Variants in MYO18B observed in about 807,000 individuals in gnomAD.
The protein encoded by MYO18B is unconventional myosin-XVIIIb.
MYO18B carries 204 observed loss-of-function variants against 273.0 expected under a neutral mutation model. The observed-to-expected ratio is 0.75, with a 90% CI of 0.67 to 0.84. The LOEUF is 0.84. Among genes scored for constraint, MYO18B ranks in the 40% least tolerant of loss-of-function variants. The pLI is 0.00. For missense variants in MYO18B, 3,212 were observed against 3,287.6 expected, an observed-to-expected ratio of 0.98 and a Z score of 0.56; for synonymous variants, 1,330 against 1,305.7, an observed-to-expected ratio of 1.02 and a Z score of -0.40.
chr22:25,973,033 G>A (rs1240106218), intron 39 of MYO18B, among the ~76,000 whole-genome samples: 2 of 151,066 alleles, frequency 1.3e-5, no homozygotes, highest in Non-Finnish European at 2.9e-5. Flanking sequence ...ACACAATTTA[G>A]CTATGGTTCC....
intron 39 of MYO18B, among the ~76,000 whole-genome samples, chr22:25,959,925 G>C (rs902438068): frequency 6.6e-6 from 1 of 152,136 alleles, no homozygotes; most frequent in Admixed American, 6.5e-5. Context: ...AAAAGGATCC[G>C]GTGCTCTGGG....
intron 22 of MYO18B, among the ~76,000 whole-genome samples, chr22:25,872,638 G>A (rs1303918746): frequency 6.6e-6 from 1 of 152,038 alleles, no homozygotes; most frequent in East Asian, 1.9e-4. Flanking sequence ...GTTGCCACTT[G>A]CTTGTAAAGG....
At chr22:26,023,484 C>A (rs1412726898) in intron 42 of MYO18B, among the ~76,000 whole-genome samples, 1 of 150,102 alleles carries the variant, frequency 6.7e-6, no homozygotes, top group East Asian at 1.9e-4. Context: ...CTCCCTCCTC[C>A]TCCTCCTCCT....
intron 20 of MYO18B, 108 bp downstream of exon 20, chr22:25,847,760 A>G (rs1480330193): frequency 1.3e-6 from 1 of 769,804 alleles, no homozygotes; most frequent in Non-Finnish European, 2.1e-6. Context: ...GGAGCTTCAC[A>G]CCCAGCATCC....
At chr22:25,826,364 G>A in intron 13 of MYO18B, 45 bp from the exon 14 acceptor site, 1 of 1,524,854 alleles carries the variant, frequency 6.6e-7, no homozygotes, top group South Asian at 1.2e-5. Flanking sequence ...CTTGGCCCCA[G>A]GCAAGATCCC....
chr22:25,908,947 T>G (rs2092102917), intron 32 of MYO18B, among the ~76,000 whole-genome samples: 1 of 152,242 alleles, frequency 6.6e-6, no homozygotes, highest in Non-Finnish European at 1.5e-5. Context: ...GATATCATTT[T>G]CACTAAATGA....
intron 11 of MYO18B, among the ~76,000 whole-genome samples, chr22:25,794,240 T>C (rs1351833758): frequency 6.6e-6 from 1 of 150,588 alleles, no homozygotes; most frequent in Non-Finnish European, 1.5e-5. Flanking sequence ...CCTTTCTCTC[T>C]CTTTCACCCA....
At chr22:25,835,488 G>A (rs903591962) in intron 17 of MYO18B, 45 bp downstream of exon 17, 1 of 1,610,006 alleles carries the variant, frequency 6.2e-7, no homozygotes, top group Non-Finnish European at 8.5e-7. Flanking sequence ...TCCAGCCTGG[G>A]TATTAGAATC....
chr22:25,760,973 C>A lies in MYO18B; in HGVS notation c.-109-11C>A. The A allele has an allele frequency of 9.1e-7, 1 of 1,104,954 alleles. No individual in the cohort carries two copies. Among genetic ancestry groups the A allele is most frequent in the Non-Finnish European group, 1.4e-6 (1 of 731,766 alleles). The allele number at this position is 1,104,954 out of a possible 1,614,324, so 68.4% of individuals were successfully genotyped here. A position where few individuals can be genotyped will look rare whatever the true frequency, so the allele number is the denominator to read the frequency against. On this transcript the variant is annotated splice_polypyrimidine_tract_variant and intron_variant, in intron 1 of 43. Coordinates refer to ENST00000335473, the MANE Select transcript of MYO18B (RefSeq NM_032608.7). Reference sequence around the variant, plus strand: ...TCTCTCTTCTCTCCCCACTGTGTCCCTGTGTGTCAGTTCTGTGTCCATCTC... The same window carrying A: ...TCTCTCTTCTCTCCCCACTGTGTCCATGTGTGTCAGTTCTGTGTCCATCTC...
intron 40 of MYO18B, among the ~76,000 whole-genome samples, chr22:25,994,288 G>C (rs1454065527): frequency 1.3e-5 from 2 of 152,076 alleles, no homozygotes; most frequent in African/African-American, 4.8e-5. Context: ...GAAACATAAG[G>C]AGTCTCCATC....
rs535874023 is a variant in MYO18B, at chr22:26,017,910, T to C, written c.6471-8535T>C. Among the ~76,000 whole-genome samples, 150 of 150,884 alleles carry C rather than the reference T, an allele frequency of 9.9e-4. 1 individual carries two copies. Among genetic ancestry groups the C allele is most frequent in the African/African-American group, 3.6e-3 (147 of 41,186 alleles). On this transcript the variant is annotated intron_variant, in intron 42 of 43. Transcript: ENST00000335473. The stretch of plus-strand genomic sequence containing the variant: ...ATTAACATCTTGCATTACTCCTCCA[T>C]CTCTTTTAAATGAGAACGATCCCCT...
At chr22:26,060,855 A>C in the MYO18B span, among the ~76,000 whole-genome samples, 1 of 107,842 alleles carries the variant, frequency 9.3e-6, no homozygotes, top group African/African-American at 7.0e-5. Context: ...ACACATATAC[A>C]TATATACACA....
intron 32 of MYO18B, among the ~76,000 whole-genome samples, chr22:25,909,585 A>G (rs1172903186): frequency 6.6e-6 from 1 of 152,164 alleles, no homozygotes; most frequent in Non-Finnish European, 1.5e-5. Context: ...TTTCTGGTTT[A>G]TTCTAAGAAT....
intron 34 of MYO18B, among the ~76,000 whole-genome samples, chr22:25,943,643 C>T (rs1489185798): frequency 2.0e-5 from 3 of 151,890 alleles, no homozygotes; most frequent in South Asian, 2.1e-4. Context: ...GGCCTTTGCA[C>T]TTGCTATTGC....
intron 25 of MYO18B, among the ~76,000 whole-genome samples, chr22:25,886,839 C>T: frequency 6.6e-6 from 1 of 152,220 alleles, no homozygotes. Flanking sequence ...CAGCTATGAT[C>T]CTAAGCAAAT....
chr22:25,828,148 C>A (rs950603080), intron 14 of MYO18B, among the ~76,000 whole-genome samples: 1 of 152,202 alleles, frequency 6.6e-6, no homozygotes, highest in Non-Finnish European at 1.5e-5. Context: ...ACCCAACCCT[C>A]ACAACAGCCC....
intron 25 of MYO18B, among the ~76,000 whole-genome samples, chr22:25,884,056 G>C (rs147223559): frequency 6.6e-6 from 1 of 152,258 alleles, no homozygotes; most frequent in Non-Finnish European, 1.5e-5. Flanking sequence ...TTCCCCCCAA[G>C]ACCTTATTTA....
chr22:25,862,854 G>T (rs983747450), intron 21 of MYO18B, among the ~76,000 whole-genome samples: 6 of 149,596 alleles, frequency 4.0e-5, no homozygotes, highest in African/African-American at 1.2e-4. Context: ...TTTGGGGGGG[G>T]GTGTCAAATT....
At chr22:25,967,035 G>A (rs996245413) in intron 39 of MYO18B, among the ~76,000 whole-genome samples, 1 of 152,126 alleles carries the variant, frequency 6.6e-6, no homozygotes, top group African/African-American at 2.4e-5. Flanking sequence ...AGACTCTCCA[G>A]CAATTAATCA....
Sources: allele counts gnomAD v4.1 joint callset (sites outside exome capture counted in the v4.1 genomes callset), GRCh38; gene constraint gnomAD v4.1.1; transcripts MANE v1.5; gene names NCBI Gene and HGNC (gene_info 2026-07-23, HGNC 2026-07-21).